Variants in SDK1 observed in about 807,000 individuals in gnomAD.
SDK1 encodes the protein protein sidekick-1.
SDK1 carries 157 observed loss-of-function variants against 245.5 expected under a neutral mutation model. That is an observed-to-expected ratio of 0.64 (90% CI 0.56 to 0.73). The LOEUF is 0.73. Ranked by LOEUF, SDK1 falls within the 30% of genes least tolerant of loss-of-function variation. The pLI is 0.00. For missense variants in SDK1, 3,583 were observed against 3,002.3 expected (o/e 1.19, Z -4.52); for synonymous variants, 1,647 against 1,278.5 (o/e 1.29, Z -6.15).
At chr7:3,917,746 C>G (rs934109688) in intron 5 of SDK1, among the ~76,000 whole-genome samples, 7 of 152,162 alleles carry the variant, frequency 4.6e-5, no homozygotes, top group African/African-American at 1.7e-4. Flanking sequence ...ACTTCCTAGA[C>G]ATGAATTTCA....
intron 22 of SDK1, among the ~76,000 whole-genome samples, chr7:4,092,930 C>G (rs1781901992): frequency 6.6e-6 from 1 of 152,196 alleles, no homozygotes; most frequent in Non-Finnish European, 1.5e-5. Flanking sequence ...TCCCTTTCAT[C>G]TACTTTTCAA....
chr7:3,847,423 G>A lies in SDK1; in HGVS notation c.847+25840G>A, dbSNP rs184754551. ...AATTGTAATTTATTTAGTATTTACCGAGGCCTTTAACAAGCTATGCTGAGG... is the reference window on the plus strand; with the variant it reads ...AATTGTAATTTATTTAGTATTTACCAAGGCCTTTAACAAGCTATGCTGAGG... On this transcript the variant is annotated intron_variant, in intron 5 of 44. Transcript: ENST00000404826. Among the ~76,000 whole-genome samples, 282 of 152,160 alleles carry A rather than the reference G, an allele frequency of 1.9e-3. 5 individuals carry two copies. The South Asian group carries it at 0.029, about 16-fold the overall frequency.
At chr7:4,074,855 T>TGAC (rs1780524285) in intron 20 of SDK1, among the ~76,000 whole-genome samples, 1 of 97,346 alleles carries the variant, frequency 1.0e-5, no homozygotes, top group African/African-American at 7.0e-5. Flanking sequence ...AGAGCAAGAC[T>TGAC]TTCTCTCTCT....
At chr7:3,579,229 A>G (rs1013155245) in intron 1 of SDK1, among the ~76,000 whole-genome samples, 6 of 149,824 alleles carry the variant, frequency 4.0e-5, no homozygotes, top group Non-Finnish European at 7.5e-5. Context: ...GAGATGCAGA[A>G]AAAAATGACT....
At chr7:3,460,385 A>C (rs1321480141) in intron 1 of SDK1, among the ~76,000 whole-genome samples, 1 of 152,242 alleles carries the variant, frequency 6.6e-6, no homozygotes, top group Non-Finnish European at 1.5e-5. Context: ...AATATCTATT[A>C]CAGACTGTAC....
At chr7:3,878,935 G>C (rs898412022) in intron 5 of SDK1, among the ~76,000 whole-genome samples, 9 of 151,976 alleles carry the variant, frequency 5.9e-5, no homozygotes, top group Non-Finnish European at 1.0e-4. Flanking sequence ...CGCCACTCAG[G>C]TCAAGATAAA....
intron 1 of SDK1, among the ~76,000 whole-genome samples, chr7:3,459,344 A>C (rs1522501): frequency 6.6e-6 from 1 of 151,990 alleles, no homozygotes; most frequent in Non-Finnish European, 1.5e-5. Flanking sequence ...TGGTTTCAAA[A>C]GACTTGAAAT....
At chr7:3,799,426 C>T (rs1779049281) in intron 4 of SDK1, among the ~76,000 whole-genome samples, 1 of 151,688 alleles carries the variant, frequency 6.6e-6, no homozygotes, top group Non-Finnish European at 1.5e-5. Flanking sequence ...TTATCCTGGC[C>T]AGGTGCAGTG....
chr7:3,614,756 T>C (rs182012596), intron 1 of SDK1, among the ~76,000 whole-genome samples: 1 of 152,362 alleles, frequency 6.6e-6, no homozygotes, highest in African/African-American at 2.4e-5. Flanking sequence ...CGTGTCGTTA[T>C]GATTTTAATT....
intron 40 of SDK1, among the ~76,000 whole-genome samples, chr7:4,224,410 C>T (rs574986182): frequency 5.9e-5 from 9 of 152,170 alleles, no homozygotes; most frequent in Admixed American, 2.6e-4. Flanking sequence ...AGGTGCCACA[C>T]GTTTTTAAAC....
At chr7:3,939,050 G>A (rs954728586) in intron 5 of SDK1, among the ~76,000 whole-genome samples, 11 of 152,180 alleles carry the variant, frequency 7.2e-5, no homozygotes, top group African/African-American at 2.4e-4. Context: ...ATGAAGGTGC[G>A]TGAAAGAGAG....
chr7:3,459,741 G>C (rs1043831487), intron 1 of SDK1, among the ~76,000 whole-genome samples: 1 of 152,214 alleles, frequency 6.6e-6, no homozygotes, highest in Non-Finnish European at 1.5e-5. Context: ...AGGGTAGTGA[G>C]ATGGCTCCAC....
chr7:3,517,650 G>C (rs930453826), intron 1 of SDK1, among the ~76,000 whole-genome samples: 5 of 152,122 alleles, frequency 3.3e-5, no homozygotes, highest in Non-Finnish European at 5.9e-5. Context: ...TGGATGTGTT[G>C]CTGCAGGTTG....
At chr7:3,365,140 T>C (rs1483811093) in intron 1 of SDK1, among the ~76,000 whole-genome samples, 1 of 152,212 alleles carries the variant, frequency 6.6e-6, no homozygotes, top group Non-Finnish European at 1.5e-5. Context: ...TTCTGCAGTG[T>C]AATGTAAAGC....
At chr7:3,738,671 A>C (rs1029076700) in intron 4 of SDK1, among the ~76,000 whole-genome samples, 1 of 152,060 alleles carries the variant, frequency 6.6e-6, no homozygotes, top group African/African-American at 2.4e-5. Context: ...GTGAAATGGG[A>C]TGTCTTTCCA....
chr7:4,158,423 A>C, intron 30 of SDK1, 25 bp from the exon 31 acceptor site: 1 of 1,585,458 alleles, frequency 6.3e-7, no homozygotes, highest in Non-Finnish European at 8.7e-7. Flanking sequence ...GGGCCCCGGC[A>C]GTCACGGTCT....
intron 3 of SDK1, among the ~76,000 whole-genome samples, chr7:3,641,311 T>C (rs1782640473): frequency 6.6e-6 from 1 of 152,190 alleles, no homozygotes; most frequent in African/African-American, 2.4e-5. Context: ...AAATTAGCCT[T>C]TTATACCTAC....
chr7:3,804,848 G>C (rs1438044963), intron 4 of SDK1, among the ~76,000 whole-genome samples: 1 of 152,164 alleles, frequency 6.6e-6, no homozygotes, highest in African/African-American at 2.4e-5. Flanking sequence ...GCTTTCACGT[G>C]TTCATTGCTA....
intron 1 of SDK1, among the ~76,000 whole-genome samples, chr7:3,318,663 T>C (rs1403773019): frequency 1.3e-5 from 2 of 152,164 alleles, no homozygotes; most frequent in Non-Finnish European, 2.9e-5. Flanking sequence ...CCTGAACTTA[T>C]CCCCAACAAA....
Sources: allele counts gnomAD v4.1 joint callset (sites outside exome capture counted in the v4.1 genomes callset), GRCh38; gene constraint gnomAD v4.1.1; transcripts MANE v1.5; gene names NCBI Gene and HGNC (gene_info 2026-07-23, HGNC 2026-07-21).